ST6GALNAC3: variants seen among roughly 807,000 people sequenced by gnomAD.
ST6GALNAC3 encodes the protein ST6 N-acetylgalactosaminide alpha-2,6-sialyltransferase 3.
A neutral mutation model predicts 32.7 loss-of-function variants in ST6GALNAC3; 25 were observed. The ratio of observed to expected loss-of-function variants is 0.76; its 90% CI spans 0.56 to 1.07. ST6GALNAC3 has a LOEUF of 1.07. ST6GALNAC3 is among the 50% of genes least tolerant of loss of function. ST6GALNAC3 has a pLI of 0.00. For missense variants in ST6GALNAC3, 355 were observed against 382.4 expected, an observed-to-expected ratio of 0.93 and a Z score of 0.60; for synonymous variants, 129 against 133.1, an observed-to-expected ratio of 0.97 and a Z score of 0.21.
At chr1:76,266,933 T>C (rs1658563407) in intron 1 of ST6GALNAC3, among the ~76,000 whole-genome samples, 1 of 152,146 alleles carries the variant, frequency 6.6e-6, no homozygotes, top group Non-Finnish European at 1.5e-5. Context: ...TTATATCCAG[T>C]AAAAGGATAT....
At chr1:76,107,428 A>G (rs1647612970) in intron 1 of ST6GALNAC3, among the ~76,000 whole-genome samples, 1 of 152,002 alleles carries the variant, frequency 6.6e-6, no homozygotes, top group African/African-American at 2.4e-5. Context: ...TTTAGAAGGT[A>G]TGGCCAAGAC....
At chr1:76,080,857 C>T (rs1192933707) in intron 1 of ST6GALNAC3, among the ~76,000 whole-genome samples, 1 of 152,180 alleles carries the variant, frequency 6.6e-6, no homozygotes, top group African/African-American at 2.4e-5. Flanking sequence ...TTTCTTATTG[C>T]TGCCCAGGAA....
intron 2 of ST6GALNAC3, among the ~76,000 whole-genome samples, chr1:76,315,841 G>A (rs1172563200): frequency 6.6e-6 from 1 of 152,086 alleles, no homozygotes; most frequent in African/African-American, 2.4e-5. Flanking sequence ...GCTCCAAATT[G>A]CTATTCAATG....
chr1:76,462,107 C>T (rs536366775), intron 3 of ST6GALNAC3, among the ~76,000 whole-genome samples: 2 of 152,222 alleles, frequency 1.3e-5, no homozygotes, highest in Non-Finnish European at 2.9e-5. Context: ...TCCCTCCAAA[C>T]CTGTCCCCAT....
chr1:76,497,700 C>A (rs559099121), intron 3 of ST6GALNAC3, among the ~76,000 whole-genome samples: 21 of 152,222 alleles, frequency 1.4e-4, no homozygotes, highest in South Asian at 4.1e-4. Context: ...GTATACATAT[C>A]CCATTTTGGA....
At chr1:76,363,957 CA>C (rs1304176608) in intron 2 of ST6GALNAC3, among the ~76,000 whole-genome samples, 2 of 152,120 alleles carry the variant, frequency 1.3e-5, no homozygotes, top group Non-Finnish European at 2.9e-5. Context: ...CACCTCCCAC[CA>C]GCCCCACCTC....
chr1:76,430,963 T>G (rs1655711582), intron 3 of ST6GALNAC3, among the ~76,000 whole-genome samples: 1 of 152,162 alleles, frequency 6.6e-6, no homozygotes, highest in Non-Finnish European at 1.5e-5. Context: ...CTTGGTAGAA[T>G]GAAGCATGAT....
At chr1:76,277,379 A>G (rs1659189861) in intron 1 of ST6GALNAC3, among the ~76,000 whole-genome samples, 1 of 151,972 alleles carries the variant, frequency 6.6e-6, no homozygotes, top group South Asian at 2.1e-4. Flanking sequence ...AAATGAATCC[A>G]TGCATATATG....
intron 1 of ST6GALNAC3, among the ~76,000 whole-genome samples, chr1:76,089,893 T>G (rs780510506): frequency 6.6e-6 from 1 of 152,214 alleles, no homozygotes; most frequent in South Asian, 2.1e-4. Context: ...TTACCTTATG[T>G]GAGTAAACTT....
chr1:76,146,434 T>C (rs533169968), intron 1 of ST6GALNAC3, among the ~76,000 whole-genome samples: 27 of 152,324 alleles, frequency 1.8e-4, no homozygotes, highest in Non-Finnish European at 2.8e-4. Flanking sequence ...TTGATTGAGA[T>C]GTTCTTGAAG....
chr1:76,625,655 C>G (rs1434230730), intron 3 of ST6GALNAC3, among the ~76,000 whole-genome samples: 1 of 151,824 alleles, frequency 6.6e-6, no homozygotes, highest in Non-Finnish European at 1.5e-5. Flanking sequence ...CAATTCCCAT[C>G]ATTGCTGCTC....
At chr1:76,297,318 T>G (rs1314507852) in intron 1 of ST6GALNAC3, among the ~76,000 whole-genome samples, 1 of 152,054 alleles carries the variant, frequency 6.6e-6, no homozygotes, top group Non-Finnish European at 1.5e-5. Flanking sequence ...GAGCAGATTA[T>G]TTCATTCATT....
intron 3 of ST6GALNAC3, among the ~76,000 whole-genome samples, chr1:76,533,042 G>T (rs1463468487): frequency 6.6e-6 from 1 of 152,108 alleles, no homozygotes; most frequent in Non-Finnish European, 1.5e-5. Context: ...TTTCCACTGG[G>T]CATAATAACT....
intron 2 of ST6GALNAC3, among the ~76,000 whole-genome samples, chr1:76,320,963 T>C (rs5005185): frequency 0.78 from 107,503 of 138,534 alleles, 39,366 homozygotes; most frequent in East Asian, 0.85. Context: ...GGTATATATA[T>C]ACACACACAC....
chr1:76,455,773 A>T (rs1301523924), intron 3 of ST6GALNAC3, among the ~76,000 whole-genome samples: 2 of 152,152 alleles, frequency 1.3e-5, no homozygotes, highest in African/African-American at 4.8e-5. Context: ...TTTTTAAGAT[A>T]TCCTGGACTC....
intron 3 of ST6GALNAC3, among the ~76,000 whole-genome samples, chr1:76,427,866 A>C (rs1445763116): frequency 6.6e-6 from 1 of 152,148 alleles, no homozygotes; most frequent in Non-Finnish European, 1.5e-5. Context: ...AACCAACCTT[A>C]GTTGCATAGT....
intron 1 of ST6GALNAC3, among the ~76,000 whole-genome samples, chr1:76,227,088 G>A (rs1486449131): frequency 2.6e-5 from 4 of 152,160 alleles, no homozygotes; most frequent in African/African-American, 7.2e-5. Flanking sequence ...AAAACCAGAC[G>A]CAACTGTAAT....
intron 3 of ST6GALNAC3, among the ~76,000 whole-genome samples, chr1:76,478,688 A>G (rs1442264499): frequency 6.6e-6 from 1 of 151,262 alleles, no homozygotes. Flanking sequence ...TTGTGTTTTC[A>G]GATATTTTTC....
chr1:76,284,276 A>G (rs912161709), intron 1 of ST6GALNAC3, among the ~76,000 whole-genome samples: 1 of 152,238 alleles, frequency 6.6e-6, no homozygotes, highest in African/African-American at 2.4e-5. Context: ...AGAGTAAGTA[A>G]GTACATCATT....
Sources: allele counts gnomAD v4.1 joint callset (sites outside exome capture counted in the v4.1 genomes callset), GRCh38; gene constraint gnomAD v4.1.1; transcripts MANE v1.5; gene names NCBI Gene and HGNC (gene_info 2026-07-23, HGNC 2026-07-21).